NOS1AP: variants seen among roughly 807,000 people sequenced by gnomAD.
NOS1AP encodes nitric oxide synthase 1 adaptor protein.
In NOS1AP, 21 loss-of-function variants were observed where a neutral mutation model predicts 56.2. That is an observed-to-expected ratio of 0.37 (90% CI 0.26 to 0.54). The LOEUF is 0.54. NOS1AP is among the 20% of genes least tolerant of loss of function. NOS1AP has a pLI of 0.84. For missense variants in NOS1AP, 522 were observed against 657.8 expected (o/e 0.79, Z 2.26); for synonymous variants, 270 against 274.6 (o/e 0.98, Z 0.17).
At chr1:162,197,322 C>A (rs1307099643) in intron 2 of NOS1AP, among the ~76,000 whole-genome samples, 1 of 152,196 alleles carries the variant, frequency 6.6e-6, no homozygotes, top group Non-Finnish European at 1.5e-5. Context: ...TGCTTAATTG[C>A]ATGATGGTGT....
chr1:162,130,214 C>T (rs74125916), intron 1 of NOS1AP, among the ~76,000 whole-genome samples: 15,401 of 152,228 alleles, frequency 0.1, 2,614 homozygotes, highest in African/African-American at 0.35. Flanking sequence ...AAGATTGCAT[C>T]TTCTTCATTT....
chr1:162,347,619 T>A (rs919552298), intron 6 of NOS1AP, among the ~76,000 whole-genome samples: 2 of 152,178 alleles, frequency 1.3e-5, no homozygotes, highest in African/African-American at 4.8e-5. Context: ...CTTATTTCCC[T>A]TTTGCAGTGG....
At chr1:162,355,658 G>A (rs1657679477) in intron 7 of NOS1AP, among the ~76,000 whole-genome samples, 1 of 145,228 alleles carries the variant, frequency 6.9e-6, no homozygotes, top group South Asian at 2.2e-4. Context: ...TCTTTGCACA[G>A]TATTTTGCAA....
chr1:162,363,082 A>G (rs1347859815), intron 8 of NOS1AP: 1 of 163,648 alleles, frequency 6.1e-6, no homozygotes, highest in African/African-American at 2.4e-5. Context: ...TTCTGATACT[A>G]TCTACCTGGA....
chr1:162,330,211 G>A (rs1222141341), intron 4 of NOS1AP, among the ~76,000 whole-genome samples: 1 of 152,172 alleles, frequency 6.6e-6, no homozygotes, highest in South Asian at 2.1e-4. Flanking sequence ...ACTTCCTTGG[G>A]GAAAATGAAT....
chr1:162,297,900 T>C (rs1655522357), intron 3 of NOS1AP, among the ~76,000 whole-genome samples: 1 of 152,146 alleles, frequency 6.6e-6, no homozygotes, highest in Admixed American at 6.5e-5. Flanking sequence ...ACAAATTACA[T>C]AGTTGTGAAT....
At chr1:162,121,858 C>G (rs773339987) in intron 1 of NOS1AP, among the ~76,000 whole-genome samples, 64 of 152,194 alleles carry the variant, frequency 4.2e-4, no homozygotes, top group Non-Finnish European at 7.3e-4. Context: ...TGTTCCCGCA[C>G]AGAGTACATA....
chr1:162,346,517 A>T (rs914655155), intron 6 of NOS1AP, among the ~76,000 whole-genome samples: 11 of 152,232 alleles, frequency 7.2e-5, no homozygotes, highest in African/African-American at 2.4e-4. Flanking sequence ...ATGTGTGTGT[A>T]TATGTAGGTA....
At chr1:162,297,346 A>G (rs13374861) in intron 3 of NOS1AP, among the ~76,000 whole-genome samples, 1,959 of 152,332 alleles carry the variant, frequency 0.013, 42 homozygotes, top group African/African-American at 0.045. Context: ...GGAGCAAAGC[A>G]GGTCTGCTGA....
intron 2 of NOS1AP, among the ~76,000 whole-genome samples, chr1:162,221,743 TCAG>T (rs1240431564): frequency 2.0e-5 from 3 of 152,208 alleles, no homozygotes. Flanking sequence ...AAAACGTTTG[TCAG>T]CATTTAACAC....
At chr1:162,200,902 G>C (rs4488007) in intron 2 of NOS1AP, among the ~76,000 whole-genome samples, 24,014 of 152,132 alleles carry the variant, frequency 0.16, 2,107 homozygotes, top group South Asian at 0.23. Flanking sequence ...TTTAGAGCAG[G>C]ACATTTTTTA....
chr1:162,269,188 T>C (rs963976150), intron 2 of NOS1AP, among the ~76,000 whole-genome samples: 3 of 152,242 alleles, frequency 2.0e-5, no homozygotes, highest in African/African-American at 4.8e-5. Context: ...GTCATCTCTG[T>C]CACTTAAGCT....
chr1:162,216,020 G>A (rs1012998607), intron 2 of NOS1AP, among the ~76,000 whole-genome samples: 50 of 152,194 alleles, frequency 3.3e-4, no homozygotes, highest in African/African-American at 1.2e-3. Flanking sequence ...TTTGTGGGAT[G>A]GCGAGTGGAG....
At chr1:162,226,714 A>C (rs76369378) in intron 2 of NOS1AP, among the ~76,000 whole-genome samples, 2,184 of 152,166 alleles carry the variant, frequency 0.014, 56 homozygotes, top group African/African-American at 0.05. Context: ...GGCCAGTACA[A>C]CTCACTTTCC....
intron 3 of NOS1AP, among the ~76,000 whole-genome samples, chr1:162,291,129 A>G (rs566364902): frequency 6.6e-5 from 10 of 152,014 alleles, no homozygotes; most frequent in African/African-American, 2.2e-4. Flanking sequence ...CTGAGGTCCA[A>G]CATCTCTGAG....
intron 8 of NOS1AP, among the ~76,000 whole-genome samples, chr1:162,358,138 G>A (rs962273432): frequency 3.9e-5 from 6 of 152,262 alleles, no homozygotes; most frequent in African/African-American, 7.2e-5. Context: ...CTAGAATGGC[G>A]GGGAGCAGAC....
At chr1:162,150,012 T>A (rs1649643037) in intron 1 of NOS1AP, among the ~76,000 whole-genome samples, 3 of 152,226 alleles carry the variant, frequency 2.0e-5, no homozygotes, top group Admixed American at 2.0e-4. Context: ...CTGTTATTTT[T>A]AAATGTACAA....
intron 3 of NOS1AP, among the ~76,000 whole-genome samples, chr1:162,297,232 G>A (rs1003284032): frequency 6.6e-6 from 1 of 152,320 alleles, no homozygotes; most frequent in South Asian, 2.1e-4. Context: ...TGGGTCATTG[G>A]CTCCTCTCAG....
chr1:162,085,498 T>C (rs1272129089), intron 1 of NOS1AP, among the ~76,000 whole-genome samples: 1 of 152,124 alleles, frequency 6.6e-6, no homozygotes, highest in African/African-American at 2.4e-5. Flanking sequence ...GTGGTGGTCT[T>C]TATGAATCAC....
Sources: allele counts gnomAD v4.1 joint callset (sites outside exome capture counted in the v4.1 genomes callset), GRCh38; gene constraint gnomAD v4.1.1; transcripts MANE v1.5; gene names NCBI Gene and HGNC (gene_info 2026-07-23, HGNC 2026-07-21).